LY96: variants seen among roughly 807,000 people sequenced by gnomAD.
LY96 encodes the protein lymphocyte antigen 96, also known as myeloid differentiation protein-2.
Under a neutral mutation model 18.9 loss-of-function variants are expected in LY96, and 18 were observed. The observed-to-expected ratio is 0.95, with a 90% CI of 0.66 to 1.41. LY96 has a LOEUF of 1.41. LY96 is among the 40% of genes most tolerant of loss of function. The pLI is 0.00. For synonymous variants in LY96, 66 were observed against 62.6 expected, an observed-to-expected ratio of 1.06 and a Z score of -0.26; for missense variants, 175 against 182.4, an observed-to-expected ratio of 0.96 and a Z score of 0.23.
intron 2 of LY96, among the ~76,000 whole-genome samples, chr8:74,005,445 A>T (rs1285002707): frequency 2.6e-5 from 4 of 152,238 alleles, no homozygotes; most frequent in Admixed American, 2.6e-4. Flanking sequence ...ACACAAGAAC[A>T]TGTGGGTAGA....
intron 3 of LY96, among the ~76,000 whole-genome samples, chr8:74,018,529 A>G (rs1186963397): frequency 6.6e-6 from 1 of 152,228 alleles, no homozygotes; most frequent in Non-Finnish European, 1.5e-5. Context: ...CAGAAGGTTA[A>G]CAAGGATATC....
chr8:74,023,730 C>T (rs1206377629), intron 3 of LY96, among the ~76,000 whole-genome samples: 1 of 152,162 alleles, frequency 6.6e-6, no homozygotes, highest in Non-Finnish European at 1.5e-5. Flanking sequence ...GAGGCACCCT[C>T]TGGGGTTGAG....
At chr8:73,996,372 C>CCTTCCTTCCTTCCTTTCTTTCTTT in intron 1 of LY96, among the ~76,000 whole-genome samples, 1 of 111,006 alleles carries the variant, frequency 9.0e-6, no homozygotes, top group South Asian at 3.1e-4. Context: ...TTCCTTCATT[C>CCTTCCTTCCTTCCTTTCTTTCTTT]CTTTCTTTCT....
the LY96 span, among the ~76,000 whole-genome samples, chr8:74,066,031 A>G: frequency 6.6e-6 from 1 of 152,196 alleles, no homozygotes; most frequent in Non-Finnish European, 1.5e-5. Flanking sequence ...GAAGGGTACC[A>G]TCTTAGTCTG....
the LY96 span, among the ~76,000 whole-genome samples, chr8:74,085,092 A>T: frequency 6.6e-6 from 1 of 152,242 alleles, no homozygotes; most frequent in Non-Finnish European, 1.5e-5. Context: ...TAAGAATAAC[A>T]TTTGTATGCA....
At chr8:74,043,704 TA>T in the LY96 span, among the ~76,000 whole-genome samples, 10 of 152,188 alleles carry the variant, frequency 6.6e-5, no homozygotes, top group Admixed American at 5.9e-4. Flanking sequence ...TAAATTAACT[TA>T]AAAAATTAAT....
intron 1 of LY96, among the ~76,000 whole-genome samples, chr8:74,001,029 A>G (rs1326674610): frequency 6.6e-6 from 1 of 152,188 alleles, no homozygotes; most frequent in Non-Finnish European, 1.5e-5. Flanking sequence ...CCACCCCTCA[A>G]CACTCTTGCA....
At chr8:74,046,071 G>T in the LY96 span, among the ~76,000 whole-genome samples, 2 of 152,188 alleles carry the variant, frequency 1.3e-5, no homozygotes, top group Admixed American at 1.3e-4. Flanking sequence ...CTGAGGTCAG[G>T]AGTTCGAGAC....
chr8:74,093,930 A>G, the LY96 span, among the ~76,000 whole-genome samples: 2 of 152,160 alleles, frequency 1.3e-5, no homozygotes, highest in Non-Finnish European at 2.9e-5. Flanking sequence ...CTATGTTGAA[A>G]TCTATAGGCA....
intron 1 of LY96, among the ~76,000 whole-genome samples, chr8:73,995,000 G>A (rs1816093039): frequency 6.6e-6 from 1 of 152,194 alleles, no homozygotes; most frequent in Admixed American, 6.5e-5. Context: ...AATTGCCATT[G>A]TGATGATATT....
At chr8:74,021,040 C>T (rs535926174) in intron 3 of LY96, among the ~76,000 whole-genome samples, 44 of 152,270 alleles carry the variant, frequency 2.9e-4, no homozygotes, top group African/African-American at 9.9e-4. Flanking sequence ...ACACCAAAAG[C>T]AATGGCAACA....
At chr8:74,019,127 TC>T (rs1199237722) in intron 3 of LY96, among the ~76,000 whole-genome samples, 1 of 151,990 alleles carries the variant, frequency 6.6e-6, no homozygotes, top group Non-Finnish European at 1.5e-5. Context: ...AATCAATGAA[TC>T]CAGGAGCTGA....
chr8:74,087,390 C>T, the LY96 span, among the ~76,000 whole-genome samples: 2 of 152,128 alleles, frequency 1.3e-5, no homozygotes, highest in East Asian at 3.8e-4. Flanking sequence ...AGTTTAAGAA[C>T]CAGTGTCATT....
At chr8:74,047,022 C>T in the LY96 span, among the ~76,000 whole-genome samples, 1 of 151,874 alleles carries the variant, frequency 6.6e-6, no homozygotes, top group Non-Finnish European at 1.5e-5. Context: ...CTGCCTCAGC[C>T]TCCTGAGTAG....
chr8:74,081,321 T>A, the LY96 span, among the ~76,000 whole-genome samples: 4 of 151,192 alleles, frequency 2.6e-5, no homozygotes, highest in Admixed American at 1.3e-4. Flanking sequence ...AGTGGTGTGA[T>A]CATAGCTTGC....
chr8:74,041,990 A>G, the LY96 span, among the ~76,000 whole-genome samples: 2 of 152,226 alleles, frequency 1.3e-5, no homozygotes, highest in African/African-American at 2.4e-5. Context: ...GGTGGGCATC[A>G]TGGTCCTCCT....
chr8:74,002,812 G>A (rs1245834788), intron 1 of LY96, among the ~76,000 whole-genome samples: 2 of 152,076 alleles, frequency 1.3e-5, no homozygotes, highest in Non-Finnish European at 2.9e-5. Context: ...GACCTCAGGT[G>A]ATCTGCCCGC....
At chr8:74,069,313 C>T in the LY96 span, among the ~76,000 whole-genome samples, 1 of 152,108 alleles carries the variant, frequency 6.6e-6, no homozygotes, top group African/African-American at 2.4e-5. Context: ...CAGTTTTATC[C>T]ATTTAGGTTT....
intron 2 of LY96, among the ~76,000 whole-genome samples, chr8:74,008,410 G>T (rs535774727): frequency 1.8e-4 from 27 of 152,302 alleles, no homozygotes; most frequent in African/African-American, 6.3e-4. Flanking sequence ...TTTTGGAGAA[G>T]TTCAAGCCCA....
Sources: gnomAD v4.1 joint callset for allele counts (sites outside exome capture counted in the v4.1 genomes callset) on GRCh38, gnomAD v4.1.1 for gene constraint, MANE v1.5 for transcripts, NCBI Gene and HGNC (gene_info 2026-07-23, HGNC 2026-07-21) for gene names.